Variants in PTPRN2 observed in about 807,000 individuals in gnomAD.
PTPRN2 encodes protein tyrosine phosphatase receptor type N2, also known as receptor-type tyrosine-protein phosphatase N2.
PTPRN2 carries 74 observed loss-of-function variants against 118.8 expected under a neutral mutation model. The ratio of observed to expected loss-of-function variants is 0.62; its 90% CI spans 0.52 to 0.76. The LOEUF is 0.76. PTPRN2 is among the 30% of genes least tolerant of loss of function. The pLI, the probability that PTPRN2 is intolerant of heterozygous loss-of-function variation, is 0.00. For synonymous variants in PTPRN2, 641 were observed against 608.0 expected (o/e 1.05, Z -0.80); for missense variants, 1,481 against 1,394.4 (o/e 1.06, Z -0.99).
At chr7:158,057,747 T>C (rs1809906268) in intron 11 of PTPRN2, among the ~76,000 whole-genome samples, 1 of 152,110 alleles carries the variant, frequency 6.6e-6, no homozygotes, top group African/African-American at 2.4e-5. Flanking sequence ...CCAAAGCTCC[T>C]CAGCGTGGCT....
chr7:158,090,425 T>C (rs1305113467), intron 10 of PTPRN2, among the ~76,000 whole-genome samples: 1 of 152,264 alleles, frequency 6.6e-6, no homozygotes, highest in East Asian at 1.9e-4. Flanking sequence ...AAGGAAACCA[T>C]ATATGTTGTA....
In PTPRN2 at chr7:157,930,893, T is replaced by A. The variant is rs530345286; in HGVS notation, c.1724-32156A>T. On this transcript the variant is annotated intron_variant, in intron 11 of 22. Transcript: ENST00000389418. ...TGCCTTCCCTACATTTTGATAATTT[T>A]TTTTCGTTTTTTTTTGTTTTTCGCA... Among the ~76,000 whole-genome samples the A allele has an allele frequency of 2.1e-5, 3 of 142,890 alleles. No individual in the cohort carries two copies. The East Asian group carries it at 6.0e-4, about 29-fold the overall frequency. 93.7% of individuals were successfully genotyped at this position (142,890 alleles called of 152,430 possible).
rs530432305 is a variant in PTPRN2, at chr7:158,368,901, T to C, written c.164-51969A>G. ...TGGTTAACACTGAGTGTCAACTTGA[T>C]TGGATTGAAGGATGGAAAGTATTGA... On this transcript the variant is annotated intron_variant, in intron 2 of 22. Coordinates refer to ENST00000389418, the MANE Select transcript of PTPRN2 (RefSeq NM_002847.5). Among the ~76,000 whole-genome samples, 3 of 152,186 alleles carry C rather than the reference T, an allele frequency of 2.0e-5. No individual in the cohort carries two copies. The East Asian group carries it at 5.8e-4, about 29-fold the overall frequency.
intron 10 of PTPRN2, among the ~76,000 whole-genome samples, chr7:158,108,370 A>T (rs576283025): frequency 6.6e-6 from 1 of 152,076 alleles, no homozygotes; most frequent in South Asian, 2.1e-4. Context: ...CTCTAGTCAG[A>T]CCATCTCACT....
chr7:158,151,355 CT>C (rs1821097159), intron 6 of PTPRN2, among the ~76,000 whole-genome samples: 1 of 146,870 alleles, frequency 6.8e-6, no homozygotes, highest in African/African-American at 2.6e-5. Flanking sequence ...CACCGCCCGC[CT>C]TTCTGCTCCT....
rs148233927 is a variant in PTPRN2 at position 158,264,549 on chromosome 7, G to A, written c.277+52270C>T. Among the ~76,000 whole-genome samples, 1,055 of 152,276 alleles carry A rather than the reference G, an allele frequency of 6.9e-3. 8 individuals carry two copies. Among genetic ancestry groups the A allele is most frequent in the Middle Eastern group, 0.02 (6 of 294 alleles). ...ATGTGCATGGGTACCTGCAGCAGCC[G>A]GTGGCAGCAGGTGACAGTGGGGACC... is the stretch of plus-strand genomic sequence containing the variant. On this transcript the variant is annotated intron_variant, in intron 3 of 22. Coordinates refer to ENST00000389418, the MANE Select transcript of PTPRN2 (RefSeq NM_002847.5).
chr7:157,772,416 C>G, intron 12 of PTPRN2, among the ~76,000 whole-genome samples: 1 of 152,162 alleles, frequency 6.6e-6, no homozygotes, highest in East Asian at 1.9e-4. Context: ...CACATAGACA[C>G]AAACACAGTT....
At chr7:157,579,449 T>G (rs898515039) in intron 17 of PTPRN2, among the ~76,000 whole-genome samples, 12 of 152,196 alleles carry the variant, frequency 7.9e-5, no homozygotes, top group Non-Finnish European at 1.3e-4. Context: ...CATAACAATT[T>G]AATGTGCCTT....
intron 14 of PTPRN2, among the ~76,000 whole-genome samples, chr7:157,636,290 T>G (rs1585146767): frequency 6.6e-6 from 1 of 152,210 alleles, no homozygotes; most frequent in African/African-American, 2.4e-5. Context: ...GTACAATTAA[T>G]TACACAGTTA....
intron 2 of PTPRN2, among the ~76,000 whole-genome samples, chr7:158,437,289 T>C (rs930766351): frequency 6.6e-6 from 1 of 152,254 alleles, no homozygotes; most frequent in Non-Finnish European, 1.5e-5. Flanking sequence ...TTGATTACTT[T>C]GTTTATAGAA....
chr7:157,734,926 G>A (rs1800213513), intron 12 of PTPRN2, among the ~76,000 whole-genome samples: 1 of 152,246 alleles, frequency 6.6e-6, no homozygotes. Context: ...TTGCTATGGA[G>A]GAAACGCGCA....
chr7:157,910,305 C>T (rs1277312700), intron 11 of PTPRN2, among the ~76,000 whole-genome samples: 19 of 149,372 alleles, frequency 1.3e-4, no homozygotes, highest in African/African-American at 2.2e-4. Context: ...GCACGTACGC[C>T]GTGGGGACGG....
At chr7:157,663,130 C>G (rs1795975262) in intron 13 of PTPRN2, among the ~76,000 whole-genome samples, 1 of 152,040 alleles carries the variant, frequency 6.6e-6, no homozygotes, top group African/African-American at 2.4e-5. Context: ...CGAGCTCCAC[C>G]CCCGGCCATA....
chr7:158,084,617 C>T (rs1813109769), intron 10 of PTPRN2, among the ~76,000 whole-genome samples: 1 of 151,934 alleles, frequency 6.6e-6, no homozygotes, highest in African/African-American at 2.4e-5. Flanking sequence ...GGAGAAAACA[C>T]CCAGGACGCC....
chr7:158,412,384 C>T (rs1333006794), intron 2 of PTPRN2, among the ~76,000 whole-genome samples: 2 of 101,362 alleles, frequency 2.0e-5, no homozygotes, highest in African/African-American at 4.3e-5. Flanking sequence ...CCCTCCTCAA[C>T]ACCAGGGCCC....
chr7:157,578,233 A>T, intron 17 of PTPRN2, 93 bp from the exon 18 acceptor site: 2 of 1,388,866 alleles, frequency 1.4e-6, no homozygotes, highest in Non-Finnish European at 1.9e-6. Context: ...GTCCAAATTT[A>T]TTCCATTCAC....
chr7:158,337,393 C>T (rs568647617), intron 2 of PTPRN2, among the ~76,000 whole-genome samples: 56 of 142,652 alleles, frequency 3.9e-4, no homozygotes, highest in African/African-American at 1.4e-3. Flanking sequence ...TAAGAGGTAA[C>T]ACCTGCAGAC....
intron 11 of PTPRN2, among the ~76,000 whole-genome samples, chr7:157,996,568 A>G (rs1313484305): frequency 6.6e-6 from 1 of 152,120 alleles, no homozygotes; most frequent in Admixed American, 6.5e-5. Context: ...GGGGGCTCCC[A>G]CCACCCCGAG....
intron 12 of PTPRN2, among the ~76,000 whole-genome samples, chr7:157,798,262 AAAAT>A (rs2151089606): frequency 6.6e-6 from 1 of 152,342 alleles, no homozygotes; most frequent in South Asian, 2.1e-4. Context: ...CAGTCCTAAA[AAAAT>A]AAATAAAAAT....
Sources: allele counts gnomAD v4.1 joint callset (sites outside exome capture counted in the v4.1 genomes callset), GRCh38; gene constraint gnomAD v4.1.1; transcripts MANE v1.5; gene names NCBI Gene and HGNC (gene_info 2026-07-23, HGNC 2026-07-21).